CARNMT1: variants seen among roughly 807,000 people sequenced by gnomAD.
CARNMT1 encodes the protein carnosine N-methyltransferase 1, also known as protein-L-histidine N-pros-methyltransferase CARNMT1.
In CARNMT1, 28 loss-of-function variants were observed where a neutral mutation model predicts 49.6. That is an observed-to-expected ratio of 0.56 (90% CI 0.42 to 0.77). CARNMT1 has a LOEUF of 0.77. Among genes scored for constraint, CARNMT1 ranks in the 30% least tolerant of loss-of-function variants. The pLI is 0.00. For synonymous variants in CARNMT1, 178 were observed against 175.0 expected (o/e 1.02, Z -0.13); for missense variants, 421 against 512.6 (o/e 0.82, Z 1.73).
chr9:75,003,186 C>T (rs1365799284), intron 3 of CARNMT1, among the ~76,000 whole-genome samples: 1 of 152,194 alleles, frequency 6.6e-6, no homozygotes, highest in East Asian at 1.9e-4. Context: ...CTTTAGAGCT[C>T]TTACCCACAG....
At chr9:74,984,715 T>C (rs1011429605) in intron 7 of CARNMT1, among the ~76,000 whole-genome samples, 192 bp downstream of exon 7, 2 of 152,116 alleles carry the variant, frequency 1.3e-5, no homozygotes, top group South Asian at 2.1e-4. Context: ...TATTGCAAAA[T>C]TGGAAAAAAA....
intron 3 of CARNMT1, among the ~76,000 whole-genome samples, chr9:75,001,225 C>A (rs1833343452): frequency 1.3e-5 from 2 of 152,008 alleles, no homozygotes; most frequent in South Asian, 4.2e-4. Context: ...AAATAACCAG[C>A]AATCAATTTC....
intron 2 of CARNMT1, 143 bp from the exon 3 acceptor site, chr9:75,016,574 G>T: frequency 3.0e-6 from 2 of 676,728 alleles, no homozygotes; most frequent in Non-Finnish European, 4.9e-6. Context: ...TTCAAGTGCA[G>T]CTTGAGATCC....
At chr9:74,997,958 A>G (rs536057154) in intron 5 of CARNMT1, among the ~76,000 whole-genome samples, 6 of 152,118 alleles carry the variant, frequency 3.9e-5, no homozygotes, top group Non-Finnish European at 8.8e-5. Flanking sequence ...AACCCTCGGT[A>G]TTCTATTTTG....
intron 1 of CARNMT1, among the ~76,000 whole-genome samples, chr9:75,021,249 GTATATACATAGTATATATGTA>G (rs1423506192): frequency 7.0e-6 from 1 of 141,956 alleles, no homozygotes; most frequent in Non-Finnish European, 1.5e-5. Context: ...TATATACATA[GTATATACATAGTATATATGTA>G]TATATACATA....
intron 1 of CARNMT1, chr9:75,027,237 A>T: frequency 1.1e-6 from 1 of 943,678 alleles, no homozygotes; most frequent in Non-Finnish European, 1.5e-6. Flanking sequence ...TCTAGAAGAA[A>T]CGTGGAAGTT....
intron 6 of CARNMT1, among the ~76,000 whole-genome samples, chr9:74,989,812 A>C (rs1832961459): frequency 6.6e-6 from 1 of 152,226 alleles, no homozygotes; most frequent in Admixed American, 6.5e-5. Flanking sequence ...GAAACAAGGA[A>C]TCATGAACAA....
intron 7 of CARNMT1, 36 bp downstream of exon 7, chr9:74,984,871 G>T: frequency 7.4e-7 from 1 of 1,345,600 alleles, no homozygotes; most frequent in Non-Finnish European, 1.1e-6. Flanking sequence ...GGTGCTTTGG[G>T]AGTTAAACTT....
chr9:75,027,375 C>G (rs546333350), intron 1 of CARNMT1: 2 of 967,932 alleles, frequency 2.1e-6, no homozygotes, highest in East Asian at 1.1e-4. Context: ...CTTCTCTCAT[C>G]TCTCCTAATA....
chr9:74,984,769 G>A (rs996874481), intron 7 of CARNMT1, 138 bp downstream of exon 7: 22 of 612,238 alleles, frequency 3.6e-5, no homozygotes, highest in Non-Finnish European at 6.2e-5. Flanking sequence ...TTTGAATAGG[G>A]GATACTCAAC....
At chr9:74,997,822 T>C (rs1833234608) in intron 5 of CARNMT1, among the ~76,000 whole-genome samples, 2 of 152,020 alleles carry the variant, frequency 1.3e-5, no homozygotes, top group Non-Finnish European at 2.9e-5. Flanking sequence ...TTGCCTCACT[T>C]TCTCTATTGG....
chr9:74,991,884 A>G (rs1833029512), intron 6 of CARNMT1, among the ~76,000 whole-genome samples: 1 of 152,122 alleles, frequency 6.6e-6, no homozygotes. Context: ...TTCTTTGTCC[A>G]TGTGTTTTAT....
At chr9:74,997,122 T>C (rs1168060832) in intron 5 of CARNMT1, among the ~76,000 whole-genome samples, 1 of 152,004 alleles carries the variant, frequency 6.6e-6, no homozygotes, top group Non-Finnish European at 1.5e-5. Context: ...AGGTATGGTG[T>C]CTATACAAAT....
chr9:75,011,660 A>C (rs1022189202), intron 3 of CARNMT1, among the ~76,000 whole-genome samples: 1 of 152,106 alleles, frequency 6.6e-6, no homozygotes, highest in Non-Finnish European at 1.5e-5. Flanking sequence ...GAGCCTTGAC[A>C]CCCAGCTCTG....
chr9:75,009,733 T>G (rs1291640166), intron 3 of CARNMT1: 1 of 152,172 alleles, frequency 6.6e-6, no homozygotes, highest in African/African-American at 2.4e-5. Context: ...GAGAAATGAT[T>G]TTTTTCTGGT....
At chr9:75,021,784 CA>C (rs1822370888) in intron 1 of CARNMT1, among the ~76,000 whole-genome samples, 1 of 151,790 alleles carries the variant, frequency 6.6e-6, no homozygotes, top group Non-Finnish European at 1.5e-5. Context: ...AATAAAAAAA[CA>C]AAATGAGCCA....
At chr9:75,016,623 A>G (rs1296881795) in intron 2 of CARNMT1, 192 bp from the exon 3 acceptor site, 6 of 553,776 alleles carry the variant, frequency 1.1e-5, no homozygotes, top group Non-Finnish European at 1.9e-5. Flanking sequence ...GCTACCCTCA[A>G]AAGATTAAGG....
chr9:75,000,597 G>C (rs1435422167), intron 3 of CARNMT1, among the ~76,000 whole-genome samples: 1 of 152,018 alleles, frequency 6.6e-6, no homozygotes, highest in Non-Finnish European at 1.5e-5. Flanking sequence ...CTTTTTCTCA[G>C]GAATTTTGGC....
rs1425132512 is a variant in CARNMT1 at position 74,982,018 on chromosome 9, T to A, written c.*1749A>T. ...TATTGAGGGACACAAAAAAGAGAAA[T>A]CTTAAAAAAAAAAAAAAAAGGTTAC... On this transcript the variant is annotated 3_prime_UTR_variant, in exon 8 of 8. Coordinates refer to ENST00000376834, the MANE Select transcript of CARNMT1 (RefSeq NM_152420.3). 2.2e-5 allele frequency: 3 copies of A among 134,036 alleles called. No individual in the cohort carries two copies. Among genetic ancestry groups the A allele is most frequent in the African/African-American group, 2.8e-5 (1 of 36,140 alleles). 8.3% of individuals were successfully genotyped at this position (134,036 alleles called of 1,614,324 possible).
Sources: allele counts gnomAD v4.1 joint callset (sites outside exome capture counted in the v4.1 genomes callset), GRCh38; gene constraint gnomAD v4.1.1; transcripts MANE v1.5; gene names NCBI Gene and HGNC (gene_info 2026-07-23, HGNC 2026-07-21).